Variants in NFIB observed in about 807,000 individuals in gnomAD.
NFIB encodes the protein nuclear factor I B.
In NFIB, 11 loss-of-function variants were observed where a neutral mutation model predicts 61.5. The observed-to-expected ratio is 0.18, with a 90% CI of 0.11 to 0.30. The LOEUF (loss-of-function observed/expected upper bound fraction) is 0.30. Ranked by LOEUF, NFIB falls within the 10% of genes least tolerant of loss-of-function variation. The pLI is 1.00. For missense variants in NFIB, 471 were observed against 608.9 expected, an observed-to-expected ratio of 0.77 and a Z score of 2.38; for synonymous variants, 260 against 216.5, an observed-to-expected ratio of 1.20 and a Z score of -1.76.
Position 14,299,492 on chromosome 9 carries a change from CATGAA to C in NFIB, c.562+7492_562+7496del, listed in dbSNP as rs369707010. Among the ~76,000 whole-genome samples, 27 of 152,290 alleles carry C rather than the reference CATGAA, an allele frequency of 1.8e-4. 1 individual carries two copies. In the South Asian group the frequency reaches 3.5e-3, roughly 20 times the overall value. On this transcript the variant is annotated intron_variant, in intron 2 of 10. Transcript: ENST00000380953. ...AAATTTTAAAACTGCATGTATTTAACATGAAATAATTCTTTTCTTAAAGGTAATTC... is the reference window on the plus strand; with the variant it reads ...AAATTTTAAAACTGCATGTATTTAACATAATTCTTTTCTTAAAGGTAATTC...
At chr9:14,218,547 C>T (rs984604807) in intron 2 of NFIB, among the ~76,000 whole-genome samples, 1 of 152,272 alleles carries the variant, frequency 6.6e-6, no homozygotes, top group East Asian at 1.9e-4. Context: ...TTCTAACCTC[C>T]TGAGAGACTG....
chr9:14,245,604 G>A (rs1331239461), intron 2 of NFIB, among the ~76,000 whole-genome samples: 1 of 152,174 alleles, frequency 6.6e-6, no homozygotes, highest in Non-Finnish European at 1.5e-5. Flanking sequence ...CGGGCTCAGT[G>A]GCTCACGACT....
At chr9:14,340,978 T>C (rs1202190212) in intron 1 of NFIB, among the ~76,000 whole-genome samples, 1 of 152,166 alleles carries the variant, frequency 6.6e-6, no homozygotes, top group East Asian at 1.9e-4. Context: ...TAATACTCGT[T>C]GTACCCATTG....
intron 1 of NFIB, among the ~76,000 whole-genome samples, chr9:14,331,569 C>T (rs958598401): frequency 1.3e-5 from 2 of 152,122 alleles, no homozygotes; most frequent in Non-Finnish European, 2.9e-5. Flanking sequence ...CTGGGTAAAC[C>T]AGTTTGGGTT....
chr9:14,216,502 C>T (rs1264646845), intron 2 of NFIB, among the ~76,000 whole-genome samples: 1 of 1,864 alleles, frequency 5.4e-4, no homozygotes, highest in Non-Finnish European at 8.5e-3. Context: ...TTCTCTCTCT[C>T]TCTCTCTCTC....
At chr9:14,407,169 A>C in the NFIB span, among the ~76,000 whole-genome samples, 1 of 152,172 alleles carries the variant, frequency 6.6e-6, no homozygotes, top group East Asian at 1.9e-4. Context: ...TCCTCGACAC[A>C]GTCATTGTAA....
chr9:14,306,093 C>T, intron 2 of NFIB: 1 of 549,404 alleles, frequency 1.8e-6, no homozygotes, highest in Non-Finnish European at 2.9e-6. Context: ...GTAATAACAT[C>T]ATCTTTTTTA....
At chr9:14,406,864 G>A in the NFIB span, among the ~76,000 whole-genome samples, 105 of 152,312 alleles carry the variant, frequency 6.9e-4, no homozygotes, top group African/African-American at 1.5e-3. Flanking sequence ...CCTCTTTAGC[G>A]ATTACGTAGA....
At chr9:14,322,180 C>T (rs1446649139) in intron 1 of NFIB, 2 of 1,148,790 alleles carry the variant, frequency 1.7e-6, no homozygotes, top group Non-Finnish European at 2.2e-6. Flanking sequence ...GAAGAAAAGG[C>T]GGTCAAAGTC....
intron 2 of NFIB, chr9:14,300,128 G>A (rs542030375): frequency 2.0e-5 from 8 of 398,222 alleles, no homozygotes; most frequent in Admixed American, 1.3e-4. Context: ...TAAATTAACC[G>A]CATCACAAAA....
At chr9:14,465,605 ACACG>A in the NFIB span, among the ~76,000 whole-genome samples, 1 of 146,990 alleles carries the variant, frequency 6.8e-6, no homozygotes, top group African/African-American at 2.6e-5. Context: ...ACACACACAC[ACACG>A]CCCTACCCCC....
At chr9:14,323,434 C>T (rs1215651073) in intron 1 of NFIB, among the ~76,000 whole-genome samples, 2 of 151,598 alleles carry the variant, frequency 1.3e-5, no homozygotes, top group Non-Finnish European at 2.9e-5. Flanking sequence ...GTAGTTATGT[C>T]GGGAAATAAT....
chr9:14,268,513 T>A (rs1348250418), intron 2 of NFIB, among the ~76,000 whole-genome samples: 1 of 152,174 alleles, frequency 6.6e-6, no homozygotes, highest in Non-Finnish European at 1.5e-5. Flanking sequence ...TCTTGTGCTG[T>A]TTCCTGCCTC....
chr9:14,143,020 A>G (rs2041922211), intron 6 of NFIB, among the ~76,000 whole-genome samples: 1 of 152,082 alleles, frequency 6.6e-6, no homozygotes, highest in South Asian at 2.1e-4. Flanking sequence ...ATGCTGACAA[A>G]TTTAATTTTC....
the NFIB span, among the ~76,000 whole-genome samples, chr9:14,470,817 A>C: frequency 1.3e-5 from 2 of 152,154 alleles, no homozygotes; most frequent in Non-Finnish European, 2.9e-5. Flanking sequence ...CTCTAATCAC[A>C]ATTTGTTGTA....
At chr9:14,426,415 A>G in the NFIB span, among the ~76,000 whole-genome samples, 5 of 152,172 alleles carry the variant, frequency 3.3e-5, 1 homozygote, top group Middle Eastern at 3.2e-3. Context: ...ACTGATTTGC[A>G]TGTCTATTTT....
intron 3 of NFIB, among the ~76,000 whole-genome samples, chr9:14,168,674 A>C (rs1245194115): frequency 6.6e-6 from 1 of 152,244 alleles, no homozygotes; most frequent in African/African-American, 2.4e-5. Context: ...AGAGGGATTA[A>C]GACATGAGGC....
chr9:14,164,020 C>G (rs571988390), intron 3 of NFIB, among the ~76,000 whole-genome samples: 5 of 150,066 alleles, frequency 3.3e-5, no homozygotes, highest in African/African-American at 9.9e-5. Flanking sequence ...AGAAAGAAAC[C>G]CATTACTTAC....
chr9:14,294,178 C>T (rs2059276600), intron 2 of NFIB, among the ~76,000 whole-genome samples: 1 of 152,200 alleles, frequency 6.6e-6, no homozygotes, highest in African/African-American at 2.4e-5. Context: ...TATTTAATTA[C>T]TGTAAGACCA....
Sources: gnomAD v4.1 joint callset for allele counts (sites outside exome capture counted in the v4.1 genomes callset) on GRCh38, gnomAD v4.1.1 for gene constraint, MANE v1.5 for transcripts, NCBI Gene and HGNC (gene_info 2026-07-23, HGNC 2026-07-21) for gene names.